The following DKK3 variants were observed in gnomAD, a reference collection of about 807,000 sequenced individuals.
DKK3 encodes the protein dickkopf Wnt signaling pathway inhibitor 3, also known as dickkopf-related protein 3.
In DKK3, 22 loss-of-function variants were observed where a neutral mutation model predicts 33.2. The observed-to-expected ratio is 0.66, with a 90% confidence interval of 0.47 to 0.95. The LOEUF is 0.95. DKK3 is among the 40% of genes least tolerant of loss of function. The pLI is 0.00. For synonymous variants in DKK3, 194 were observed against 188.8 expected (o/e 1.03, Z -0.23); for missense variants, 398 against 458.4 (o/e 0.87, Z 1.20).
At chr11:12,003,415 G>C (rs1339398647) in intron 1 of DKK3, among the ~76,000 whole-genome samples, 1 of 152,122 alleles carries the variant, frequency 6.6e-6, no homozygotes, top group African/African-American at 2.4e-5. Flanking sequence ...TTCTTCTCTG[G>C]TGTCAGGTTT....
At chr11:11,990,828 C>T (rs183444225) in intron 3 of DKK3, among the ~76,000 whole-genome samples, 12 of 152,334 alleles carry the variant, frequency 7.9e-5, no homozygotes, top group Admixed American at 2.0e-4. Context: ...ACTGAGAATT[C>T]CTAGACAACA....
At chr11:11,999,077 G>T (rs1409839969) in intron 2 of DKK3, among the ~76,000 whole-genome samples, 1 of 152,296 alleles carries the variant, frequency 6.6e-6, no homozygotes, top group East Asian at 1.9e-4. Context: ...AACGCTCAAA[G>T]ATGTCAGCTG....
At chr11:11,995,976 T>C (rs997653211) in intron 3 of DKK3, among the ~76,000 whole-genome samples, 2 of 152,238 alleles carry the variant, frequency 1.3e-5, no homozygotes, top group African/African-American at 4.8e-5. Flanking sequence ...GTGAGCCTCC[T>C]TGGGTTACCA....
At chr11:11,966,871 T>C in intron 5 of DKK3, 83 bp downstream of exon 5, 2 of 1,560,000 alleles carry the variant, frequency 1.3e-6, no homozygotes. Flanking sequence ...AACCATGTGG[T>C]TGGCATGGAC....
chr11:11,995,882 T>G (rs762290168), intron 3 of DKK3, among the ~76,000 whole-genome samples: 2 of 152,202 alleles, frequency 1.3e-5, no homozygotes, highest in Admixed American at 6.5e-5. Flanking sequence ...CCTTTCACAT[T>G]TGAGTGTAAA....
chr11:11,984,316 T>C (rs948227127), intron 3 of DKK3, among the ~76,000 whole-genome samples: 1 of 152,208 alleles, frequency 6.6e-6, no homozygotes, highest in African/African-American at 2.4e-5. Flanking sequence ...GCAAGACCTA[T>C]CGGCAACTCT....
chr11:11,981,716 T>G (rs917398755), intron 3 of DKK3, among the ~76,000 whole-genome samples: 1 of 152,146 alleles, frequency 6.6e-6, no homozygotes, highest in Non-Finnish European at 1.5e-5. Context: ...AAAAAAGGCC[T>G]GTCTCATATC....
chr11:11,969,437 C>T (rs556223353), intron 3 of DKK3, among the ~76,000 whole-genome samples: 1 of 152,274 alleles, frequency 6.6e-6, no homozygotes, highest in African/African-American at 2.4e-5. Context: ...ACTGCCTTCT[C>T]TATATTGCCA....
At position 11,967,077 on chromosome 11, in the gene DKK3, A is replaced by T; in HGVS notation, c.550T>A (p.Cys184Ser). The change falls in exon 5 of 7, where the codon TGC (cysteine) becomes AGC (serine). Residue 184 changes from cysteine to serine, a missense_variant. Physicochemically the swap from Cys to Ser is moderately radical, Grantham distance 112. Coordinates refer to ENST00000683431, the MANE Select transcript of DKK3 (RefSeq NM_001018057.2). The part of the protein sequence containing the change: ...QRMLCTRDSE[C>S]CGDQLCVWGH... The stretch of plus-strand genomic sequence containing the variant: ...CAGACACACAGCTGGTCTCCACAGC[A>T]CTCACTGTCCCGGGTGCAGAGCTGC... 6.2e-7 allele frequency: 1 copy of T among 1,613,710 alleles called. No individual in the cohort carries two copies. Among genetic ancestry groups the T allele is most frequent in the Non-Finnish European group, 8.5e-7 (1 of 1,179,938 alleles).
At chr11:12,005,260 G>A (rs985212723) in intron 1 of DKK3, among the ~76,000 whole-genome samples, 1 of 152,156 alleles carries the variant, frequency 6.6e-6, no homozygotes, top group Non-Finnish European at 1.5e-5. Flanking sequence ...GTTCTTAAAT[G>A]GCACCATGAA....
intron 3 of DKK3, among the ~76,000 whole-genome samples, chr11:11,972,243 T>C (rs1847739572): frequency 6.6e-6 from 1 of 152,220 alleles, no homozygotes; most frequent in Admixed American, 6.5e-5. Context: ...CAGATAGCTA[T>C]GCATCTGCTC....
At chr11:11,986,016 C>T (rs534010576) in intron 3 of DKK3, among the ~76,000 whole-genome samples, 1 of 152,222 alleles carries the variant, frequency 6.6e-6, no homozygotes, top group African/African-American at 2.4e-5. Context: ...AAAGCAAAGG[C>T]TACTAGGAAT....
chr11:11,991,996 T>C (rs1848198216), intron 3 of DKK3, among the ~76,000 whole-genome samples: 1 of 152,234 alleles, frequency 6.6e-6, no homozygotes, highest in Non-Finnish European at 1.5e-5. Flanking sequence ...TTTTGTCCAC[T>C]ATAGCCTGGA....
At chr11:11,986,975 A>G (rs16910294) in intron 3 of DKK3, among the ~76,000 whole-genome samples, 10,050 of 152,310 alleles carry the variant, frequency 0.066, 417 homozygotes, top group East Asian at 0.2. Flanking sequence ...ACAGCTCTTT[A>G]CAGAATCTTA....
intron 3 of DKK3, among the ~76,000 whole-genome samples, chr11:11,973,286 G>A (rs1203512753): frequency 2.6e-5 from 4 of 152,200 alleles, no homozygotes; most frequent in Admixed American, 6.5e-5. Flanking sequence ...GACTGGAGCC[G>A]ACAGACACTT....
intron 3 of DKK3, among the ~76,000 whole-genome samples, chr11:11,995,639 T>G (rs1326801314): frequency 6.6e-6 from 1 of 152,212 alleles, no homozygotes; most frequent in Non-Finnish European, 1.5e-5. Flanking sequence ...CACAGTTCCA[T>G]AAATAAAAGT....
chr11:11,990,037 A>C (rs1284584887), intron 3 of DKK3, among the ~76,000 whole-genome samples: 1 of 152,230 alleles, frequency 6.6e-6, no homozygotes, highest in Non-Finnish European at 1.5e-5. Context: ...TAAAAACAAA[A>C]CAAAATGGAC....
At chr11:11,967,223 G>C in intron 4 of DKK3, 125 bp from the exon 5 acceptor site, 1 of 1,229,394 alleles carries the variant, frequency 8.1e-7, no homozygotes, top group Non-Finnish European at 1.1e-6. Flanking sequence ...AGGCAGACCA[G>C]GCTGAGATTT....
intron 1 of DKK3, among the ~76,000 whole-genome samples, chr11:12,005,901 T>C (rs1460633103): frequency 6.6e-6 from 1 of 152,180 alleles, no homozygotes; most frequent in Admixed American, 6.5e-5. Context: ...TTTTAGTATT[T>C]TAAGATTAAT....
Sources: gnomAD v4.1 joint callset for allele counts (sites outside exome capture counted in the v4.1 genomes callset) on GRCh38, gnomAD v4.1.1 for gene constraint, MANE v1.5 for transcripts, NCBI Gene and HGNC (gene_info 2026-07-23, HGNC 2026-07-21) for gene names.